PCDHB6: variants seen among roughly 807,000 people sequenced by gnomAD.
The protein encoded by PCDHB6 is protocadherin beta-6.
For synonymous variants in PCDHB6, 506 were observed against 459.0 expected (o/e 1.10, Z -1.31); for missense variants, 1,137 against 1,010.1 (o/e 1.13, Z -1.70).
At position 141,152,860 on chromosome 5, in the gene PCDHB6, C is replaced by T. The variant is rs986281569; in HGVS notation, c.*218C>T. ...TGAACAAAAAGTAAATTTTTATTTG[C>T]ATAATTTTAAGCTTTTGAAATTAAA... On this transcript the variant is annotated 3_prime_UTR_variant, in exon 1 of 1. Transcript: ENST00000231136. 7.3e-5 allele frequency: 27 copies of T among 370,104 alleles called. 1 individual carries two copies. The highest frequency in any genetic ancestry group is 5.3e-4 in the African/African-American group (25 of 47,088). The allele number at this position is 370,104 out of a possible 1,614,324, so 22.9% of individuals were successfully genotyped here.
rs1554278068 is a variant in PCDHB6, at chr5:141,152,570, C to A, written c.2313C>A (p.Asn771Lys). ...AGTTCCTGAAGCCGATTATGCCCAA[C>A]TTCCCTCCTCAGGGCACTGAGAGAG... The part of the protein sequence containing the change: ...EFKFLKPIMP[N>K]FPPQGTEREM... The change falls in exon 1 of 1, where the codon AAC becomes AAA. Residue 771 changes from asparagine to lysine, a missense_variant. By Grantham distance (94) the Asn-to-Lys change is moderately conservative. Coordinates refer to ENST00000231136, the MANE Select transcript of PCDHB6 (RefSeq NM_018939.4). 2 of 1,613,912 alleles carry A rather than the reference C, an allele frequency of 1.2e-6. No individual in the cohort carries two copies. Among genetic ancestry groups the A allele is most frequent in the Admixed American group, 3.3e-5 (2 of 59,998 alleles).
At position 141,150,235 on chromosome 5, in the gene PCDHB6, T is replaced by C. The variant is rs1554277364; in HGVS notation, c.-23T>C. The C allele has an allele frequency of 3.2e-6, 5 of 1,555,270 alleles. No homozygotes were observed. The South Asian group carries it at 5.8e-5, about 18-fold the overall frequency. On this transcript the variant is annotated 5_prime_UTR_variant, in exon 1 of 1. Transcript: ENST00000231136. ...GATTGGGAGCTGAAAAGGATTTTTC[T>C]TCCGTATTCAGACATAATAGACATG...
chr5:141,151,456 C>A lies in PCDHB6; in HGVS notation c.1199C>A (p.Thr400Asn). Residue 400 changes from threonine to asparagine, a missense_variant, in exon 1 of 1, where the codon ACC becomes AAC. By Grantham distance (65) the Thr-to-Asn change is moderately conservative. Coordinates refer to ENST00000231136, the MANE Select transcript of PCDHB6 (RefSeq NM_018939.4). ...LLRPSVENFY[T>N]LVTEGALDRE... The stretch of plus-strand genomic sequence containing the variant: ...AGACCTTCCGTGGAGAATTTCTACA[C>A]CCTGGTAACAGAAGGCGCGCTGGAC... 1.2e-6 allele frequency: 2 copies of A among 1,614,168 alleles called. No homozygotes were observed. The highest frequency in any genetic ancestry group is 1.7e-6 in the Non-Finnish European group (2 of 1,180,038).
At position 141,150,611 on chromosome 5, in the gene PCDHB6, T is replaced by G; in HGVS notation, c.354T>G (p.Ala118=). ...LLENPLQFFQ[A]SLRVRDINDH... ...AAAACCCCTTGCAGTTTTTTCAGGC[T>G]TCCTTGCGAGTCAGAGATATAAATG... is the stretch of plus-strand genomic sequence containing the variant. The change falls in exon 1 of 1, where the codon GCT becomes GCG. Residue 118 remains alanine (A), a synonymous_variant. Transcript: ENST00000231136. The G allele has an allele frequency of 6.2e-7, 1 of 1,614,164 alleles. No individual in the cohort carries two copies. Among genetic ancestry groups the G allele is most frequent in the East Asian group, 2.2e-5 (1 of 44,882 alleles).
Position 141,151,273 on chromosome 5 carries a change from A to T in PCDHB6, c.1016A>T (p.Asn339Ile), listed in dbSNP as rs1289237928. ...CSLVVRVLDV[N>I]DNAPELTMSF... ...TTAGTCGTCAGGGTCCTGGACGTGA[A>T]TGACAATGCCCCTGAACTCACCATG... The change falls in exon 1 of 1, where the codon AAT becomes ATT. Residue 339 changes from asparagine to isoleucine, a missense_variant. Coordinates refer to ENST00000231136, the MANE Select transcript of PCDHB6 (RefSeq NM_018939.4). 1.2e-5 allele frequency: 19 copies of T among 1,614,072 alleles called. No individual in the cohort carries two copies. In the Admixed American group the frequency reaches 3.2e-4, roughly 27 times the overall value.
Position 141,152,609 on chromosome 5 carries a change from C to T in PCDHB6, c.2352C>T (p.Thr784=), listed in dbSNP as rs146937630. The change falls in exon 1 of 1, where the codon ACC becomes ACT. Residue 784 remains threonine, a synonymous_variant. Coordinates refer to ENST00000231136, the MANE Select transcript of PCDHB6 (RefSeq NM_018939.4). ...GCACTGAGAGAGAAATGGAAGAAACCCCCACCTCTCGGAATAGCTTCCCGT... is the reference window on the plus strand; with the variant it reads ...GCACTGAGAGAGAAATGGAAGAAACTCCCACCTCTCGGAATAGCTTCCCGT... ...PQGTEREMEE[T]PTSRNSFPFS 3.7e-6 allele frequency: 6 copies of T among 1,607,582 alleles called. No individual in the cohort carries two copies. In the African/African-American group the frequency reaches 8.1e-5, roughly 22 times the overall value.
Position 141,152,265 on chromosome 5 carries a change from C to A in PCDHB6, c.2008C>A (p.Pro670Thr). ...GGACGGCTTCTCCCAGCCCTACCTGCCTCTCCCTGAGGCGGCCCCGGCCCA... is the reference window on the plus strand; with the variant it reads ...GGACGGCTTCTCCCAGCCCTACCTGACTCTCCCTGAGGCGGCCCCGGCCCA... Reference protein sequence around the residue: ...LVDGFSQPYLPLPEAAPAQAQ... With the variant: ...LVDGFSQPYLTLPEAAPAQAQ... The change falls in exon 1 of 1, where the codon CCT becomes ACT. Residue 670 changes from proline to threonine, a missense_variant. Physicochemically the swap from Pro to Thr is conservative, Grantham distance 38 (BLOSUM62 -1). Transcript: ENST00000231136. 1 of 1,608,184 alleles carries A rather than the reference C, an allele frequency of 6.2e-7. No individual in the cohort carries two copies. The highest frequency in any genetic ancestry group is 8.5e-7 in the Non-Finnish European group (1 of 1,179,788).
chr5:141,150,872 C>G lies in PCDHB6; in HGVS notation c.615C>G (p.Pro205=), dbSNP rs574881719. The G allele has an allele frequency of 2.9e-5, 47 of 1,614,208 alleles. 1 individual carries two copies. The Admixed American group carries it at 3.0e-4, about 10-fold the overall frequency. ...AACCGTTGGACCGCGAGGAGCAGCC[C>G]CAACTCAGGCTAACGCTGATCGCGC... ...LDKPLDREEQ[P]QLRLTLIALD... Residue 205 remains proline (P), a synonymous_variant, in exon 1 of 1, where the codon CCC becomes CCG. Coordinates refer to ENST00000231136, the MANE Select transcript of PCDHB6 (RefSeq NM_018939.4).
Position 141,150,092 on chromosome 5 carries a change from G to A in PCDHB6, c.-166G>A, listed in dbSNP as rs782459361. 15 of 600,148 alleles carry A rather than the reference G, an allele frequency of 2.5e-5. No homozygotes were observed. The highest frequency in any genetic ancestry group is 3.8e-5 in the Non-Finnish European group (13 of 344,192). The allele number at this position is 600,148 out of a possible 1,614,324, so 37.2% of individuals were successfully genotyped here. On this transcript the variant is annotated 5_prime_UTR_variant, in exon 1 of 1. Coordinates refer to ENST00000231136, the MANE Select transcript of PCDHB6 (RefSeq NM_018939.4). ...GAAGCCAAGTAAAAATACAGACCAC[G>A]TTTACAGCTAAAGCTGAGATAGATG...
At position 141,152,376 on chromosome 5, in the gene PCDHB6, G is replaced by A. The variant is rs540523095; in HGVS notation, c.2119G>A (p.Val707Met). Residue 707 changes from valine (V) to methionine (M), a missense_variant, in exon 1 of 1, where the codon GTG becomes ATG. Coordinates refer to ENST00000231136, the MANE Select transcript of PCDHB6 (RefSeq NM_018939.4). ...CTTCCTCTTTTCGGTGCTCCTGTTC[G>A]TGGCGGTGCGGCTGTGCAGGAGGAG... ...SLFLFSVLLF[V>M]AVRLCRRSRA... 1.9e-6 allele frequency: 3 copies of A among 1,612,052 alleles called. No homozygotes were observed. The African/African-American group carries it at 4.0e-5, about 22-fold the overall frequency.
Position 141,151,480 on chromosome 5 carries a change from A to G in PCDHB6, c.1223A>G (p.Asp408Gly). 2 of 1,614,198 alleles carry G rather than the reference A, an allele frequency of 1.2e-6. No individual in the cohort carries two copies. The highest frequency in any genetic ancestry group is 1.1e-5 in the South Asian group (1 of 91,086). ...FYTLVTEGAL[D>G]RESRAEYNIT... ...ACCCTGGTAACAGAAGGCGCGCTGGACAGAGAGAGCAGAGCCGAGTACAAC... is the reference window on the plus strand; with the variant it reads ...ACCCTGGTAACAGAAGGCGCGCTGGGCAGAGAGAGCAGAGCCGAGTACAAC... The change falls in exon 1 of 1, where the codon GAC (aspartate) becomes GGC (glycine). Residue 408 changes from aspartate to glycine, a missense_variant. Asp to Gly is a moderately conservative substitution (Grantham distance 94, BLOSUM62 -1). Transcript: ENST00000231136.
rs781917011 is a variant in PCDHB6, at chr5:141,151,516, C to T, written c.1259C>T (p.Thr420Met). 11 of 1,614,170 alleles carry T rather than the reference C, an allele frequency of 6.8e-6. No homozygotes were observed. In the South Asian group the frequency reaches 9.9e-5, roughly 14 times the overall value. The change falls in exon 1 of 1, where the codon ACG (threonine) becomes ATG (methionine). Residue 420 changes from threonine to methionine, a missense_variant. Thr to Met is a moderately conservative substitution (Grantham distance 81, BLOSUM62 -1). Coordinates refer to ENST00000231136, the MANE Select transcript of PCDHB6 (RefSeq NM_018939.4). ...AGAGCCGAGTACAACATCACTATCA[C>T]GGTCACTGATTTGGGGACACCAAGG... ...ESRAEYNITITVTDLGTPRLK... is the reference protein window; with the variant it reads ...ESRAEYNITIMVTDLGTPRLK...
Position 141,152,195 on chromosome 5 carries a change from C to G in PCDHB6, c.1938C>G (p.Gly646=), listed in dbSNP as rs781910062. 2 of 1,606,876 alleles carry G rather than the reference C, an allele frequency of 1.2e-6. No homozygotes were observed. The highest frequency in any genetic ancestry group is 2.7e-5 in the African/African-American group (2 of 74,814). ...TGGTGGTGCTTGTCAAGGACAATGG[C>G]GAGCCTCCGCGCTCGGCCACCGCCA... is the stretch of plus-strand genomic sequence containing the variant. ...HRLVVLVKDN[G]EPPRSATATL... The change falls in exon 1 of 1, where the codon GGC becomes GGG. Residue 646 remains glycine, a synonymous_variant. Coordinates refer to ENST00000231136, the MANE Select transcript of PCDHB6 (RefSeq NM_018939.4).
chr5:141,152,626 G>C lies in PCDHB6; in HGVS notation c.2369G>C (p.Ser790Thr). The change falls in exon 1 of 1, where the codon AGC becomes ACC. Residue 790 changes from serine (S) to threonine (T), a missense_variant. Physicochemically the swap from Ser to Thr is moderately conservative, Grantham distance 58. Coordinates refer to ENST00000231136, the MANE Select transcript of PCDHB6 (RefSeq NM_018939.4). ...GAAGAAACCCCCACCTCTCGGAATA[G>C]CTTCCCGTTCAGTTAAGTGTGGGAT... ...EMEETPTSRN[S>T]FPFS The C allele has an allele frequency of 1.9e-6, 3 of 1,600,408 alleles. No homozygotes were observed. Among genetic ancestry groups the C allele is most frequent in the Middle Eastern group, 1.7e-4 (1 of 5,948 alleles).
In PCDHB6 at chr5:141,150,883, T is replaced by C; in HGVS notation, c.626T>C (p.Leu209Pro). Reference sequence around the variant, plus strand: ...CGCGAGGAGCAGCCCCAACTCAGGCTAACGCTGATCGCGCTGGATGGCGGG... The same window carrying C: ...CGCGAGGAGCAGCCCCAACTCAGGCCAACGCTGATCGCGCTGGATGGCGGG... Reference protein sequence around the residue: ...LDREEQPQLRLTLIALDGGSP... With the variant: ...LDREEQPQLRPTLIALDGGSP... The change falls in exon 1 of 1, where the codon CTA (leucine) becomes CCA (proline). Residue 209 changes from leucine (L) to proline (P), a missense_variant. Leu to Pro is a moderately conservative substitution (Grantham distance 98). Coordinates refer to ENST00000231136, the MANE Select transcript of PCDHB6 (RefSeq NM_018939.4). The C allele has an allele frequency of 6.2e-7, 1 of 1,614,224 alleles. No individual in the cohort carries two copies. Among genetic ancestry groups the C allele is most frequent in the South Asian group, 1.1e-5 (1 of 91,086 alleles).
chr5:141,151,388 A>T lies in PCDHB6; in HGVS notation c.1131A>T (p.Gln377His), dbSNP rs1554277679. 6.2e-7 allele frequency: 1 copy of T among 1,614,148 alleles called. No homozygotes were observed. Among genetic ancestry groups the T allele is most frequent in the Non-Finnish European group, 8.5e-7 (1 of 1,180,022 alleles). ...CAGATGCAGACTCTGGACATAACCA[A>T]CAGGTTATTTGTTCAATAGAGAACA... ...SVSDADSGHN[Q>H]QVICSIENNL... Residue 377 changes from glutamine to histidine, a missense_variant, in exon 1 of 1, where the codon CAA (glutamine) becomes CAT (histidine). Gln to His is a conservative substitution (Grantham distance 24). Transcript: ENST00000231136.
Position 141,150,272 on chromosome 5 carries a change from A to C in PCDHB6, c.15A>C (p.Lys5Asn). The change falls in exon 1 of 1, where the codon AAA becomes AAC. Residue 5 changes from lysine (K) to asparagine (N), a missense_variant. Lys to Asn is a moderately conservative substitution (Grantham distance 94). Transcript: ENST00000231136. ...ACATAATAGACATGATGCAAACTAA[A>C]GTACAGAACAAGAAAAGGCAAGTGG... MMQT[K>N]VQNKKRQVAF... The C allele has an allele frequency of 1.9e-6, 3 of 1,611,130 alleles. No individual in the cohort carries two copies. Among genetic ancestry groups the C allele is most frequent in the Non-Finnish European group, 2.5e-6 (3 of 1,177,934 alleles).
chr5:141,151,600 C>T lies in PCDHB6; in HGVS notation c.1343C>T (p.Ala448Val). ...QVSDVNDNAP[A>V]FTQTSYTLFV... is the part of the protein sequence containing the mutation. Reference sequence around the variant, plus strand: ...TCCGACGTCAATGACAACGCCCCCGCCTTCACCCAAACCTCCTACACCCTG... The same window carrying T: ...TCCGACGTCAATGACAACGCCCCCGTCTTCACCCAAACCTCCTACACCCTG... The change falls in exon 1 of 1, where the codon GCC becomes GTC. Residue 448 changes from alanine (A) to valine (V), a missense_variant. By Grantham distance (64) the Ala-to-Val change is moderately conservative. Transcript: ENST00000231136. 1 of 1,613,924 alleles carries T rather than the reference C, an allele frequency of 6.2e-7. No homozygotes were observed. Among genetic ancestry groups the T allele is most frequent in the Non-Finnish European group, 8.5e-7 (1 of 1,180,036 alleles).
chr5:141,150,526 AC>A lies in PCDHB6; in HGVS notation c.271del (p.Arg91GlyfsTer35), dbSNP rs1554277435. 1 of 1,614,142 alleles carries A rather than the reference AC, an allele frequency of 6.2e-7. No individual in the cohort carries two copies. Reference protein sequence around the residue: ...THDLLLNEKLDREELCGSTEP... With the variant: ...THDLLLNEKLXREELCGSTEP... ...GATTTACTGCTAAATGAAAAACTGG[AC>A]CGGGAGGAGCTGTGTGGCTCCACTG... On this transcript the variant is annotated frameshift_variant, in exon 1 of 1. Transcript: ENST00000231136. LOFTEE classifies it low-confidence loss of function (END_TRUNC).
Sources: allele counts gnomAD v4.1 joint callset, GRCh38; gene constraint gnomAD v4.1.1; transcripts MANE v1.5; gene names NCBI Gene and HGNC (gene_info 2026-07-23, HGNC 2026-07-21).